RNF157: variants seen among roughly 807,000 people sequenced by gnomAD.
The protein encoded by RNF157 is ring finger protein 157.
RNF157 carries 55 observed loss-of-function variants against 88.3 expected under a neutral mutation model. The ratio of observed to expected loss-of-function variants is 0.62; its 90% CI spans 0.50 to 0.78. The LOEUF (loss-of-function observed/expected upper bound fraction) is 0.78, where lower values mean the gene tolerates loss of function less well. Among genes scored for constraint, RNF157 ranks in the 30% least tolerant of loss-of-function variants. RNF157 has a pLI of 0.00. For synonymous variants in RNF157, 334 were observed against 341.2 expected, an observed-to-expected ratio of 0.98 and a Z score of 0.23; for missense variants, 788 against 860.8, an observed-to-expected ratio of 0.92 and a Z score of 1.06.
At position 76,227,117 on chromosome 17, in the gene RNF157, GT is replaced by G. The variant is rs533845540; in HGVS notation, c.88+13035del. 4.4e-3 allele frequency among the ~76,000 whole-genome samples: 613 copies of G among 138,110 alleles called. 1 individual carries two copies. The highest frequency in any genetic ancestry group is 0.013 in the African/African-American group (495 of 37,542). The allele number at this position is 138,110 out of a possible 152,430, so 90.6% of individuals were successfully genotyped here. On this transcript the variant is annotated intron_variant, in intron 1 of 18. Coordinates refer to ENST00000269391, the MANE Select transcript of RNF157 (RefSeq NM_052916.3). ...AATAATATTAATAACCTCTTTTTTTGTTTTTTTTTTTTTTTGAGACGGGAGT... is the reference window on the plus strand; with the variant it reads ...AATAATATTAATAACCTCTTTTTTTGTTTTTTTTTTTTTTGAGACGGGAGT...
At chr17:76,162,664 AC>A in intron 8 of RNF157, 41 bp from the exon 9 acceptor site, 1 of 1,426,332 alleles carries the variant, frequency 7.0e-7, no homozygotes, top group Non-Finnish European at 9.7e-7. Flanking sequence ...GGCTGTCTCT[AC>A]TGAGAGACAA....
At chr17:76,175,268 T>C (rs1003943602) in intron 2 of RNF157, among the ~76,000 whole-genome samples, 1 of 152,228 alleles carries the variant, frequency 6.6e-6, no homozygotes, top group African/African-American at 2.4e-5. Context: ...TGGTTTTACT[T>C]TTTTTCGCAG....
At chr17:76,198,648 A>C (rs2069518050) in intron 2 of RNF157, among the ~76,000 whole-genome samples, 1 of 152,176 alleles carries the variant, frequency 6.6e-6, no homozygotes, top group South Asian at 2.1e-4. Flanking sequence ...TCTCAGTTGG[A>C]CAACTGGTTA....
rs754183930 is a variant in RNF157, at chr17:76,217,357, T to C, written c.89-4875A>G. On this transcript the variant is annotated intron_variant, in intron 1 of 18. Coordinates refer to ENST00000269391, the MANE Select transcript of RNF157 (RefSeq NM_052916.3). ...ATAAATTTACTTATTGGTATTTCAT[T>C]TTACAACCAAAAATTTGCTTTTTCC... is the stretch of plus-strand genomic sequence containing the variant. Among the ~76,000 whole-genome samples the C allele has an allele frequency of 1.6e-4, 25 of 152,264 alleles. 1 individual carries two copies. Among genetic ancestry groups the C allele is most frequent in the South Asian group, 1.0e-3 (5 of 4,818 alleles).
chr17:76,194,073 A>C (rs774195771), intron 2 of RNF157, among the ~76,000 whole-genome samples: 1 of 152,194 alleles, frequency 6.6e-6, no homozygotes. Flanking sequence ...TGGTTTGTTT[A>C]TCAAGGTATA....
rs566918470 is a variant in RNF157, at chr17:76,147,381, C to G, written c.1922-2028G>C. ...ACACACATGCATGCACAAATAAAAA[C>G]AGCAGCACCACCACCACCACCGCCG... On this transcript the variant is annotated intron_variant, in intron 18 of 18. Coordinates refer to ENST00000269391, the MANE Select transcript of RNF157 (RefSeq NM_052916.3). 2.5e-4 allele frequency: 243 copies of G among 983,548 alleles called. 3 individuals carry two copies. The South Asian group carries it at 8.0e-3, about 32-fold the overall frequency. 60.9% of individuals were successfully genotyped at this position (983,548 alleles called of 1,614,324 possible).
chr17:76,238,964 G>C (rs1044931606), intron 1 of RNF157, among the ~76,000 whole-genome samples: 1 of 152,204 alleles, frequency 6.6e-6, no homozygotes, highest in Non-Finnish European at 1.5e-5. Context: ...ACACTCTGCA[G>C]GGATGCGGGC....
rs958467198 is a variant in RNF157, at chr17:76,157,354, G to T, written c.1414-1033C>A. On this transcript the variant is annotated intron_variant, in intron 13 of 18. Transcript: ENST00000269391. This position sits in a 1 kb window ranked among gnomAD's most constrained non-coding sequence, Gnocchi z 5.6. ...TAGTCCAGGCTGCACACTGCGGTCG[G>T]GTGGGCCTTTGGGGTGTGAAGCACT... is the stretch of plus-strand genomic sequence containing the variant. Among the ~76,000 whole-genome samples the T allele has an allele frequency of 1.3e-5, 2 of 152,226 alleles. No homozygotes were observed. The highest frequency in any genetic ancestry group is 2.9e-5 in the Non-Finnish European group (2 of 68,048).
chr17:76,162,880 A>C lies in RNF157; in HGVS notation c.721-257T>G, dbSNP rs1598395368. 8.3e-6 allele frequency: 3 copies of C among 359,476 alleles called. No individual in the cohort carries two copies. The East Asian group carries it at 1.7e-4, about 20-fold the overall frequency. 22.3% of individuals were successfully genotyped at this position (359,476 alleles called of 1,614,324 possible). On this transcript the variant is annotated intron_variant, in intron 8 of 18. Coordinates refer to ENST00000269391, the MANE Select transcript of RNF157 (RefSeq NM_052916.3). The stretch of plus-strand genomic sequence containing the variant: ...ATAAAATTTCACAAATACAATAATA[A>C]TACTTGCACTGCAGCATACTATTAT...
At chr17:76,171,335 C>T (rs996022601) in intron 3 of RNF157, among the ~76,000 whole-genome samples, 7 of 152,034 alleles carry the variant, frequency 4.6e-5, no homozygotes, top group African/African-American at 1.5e-4. Context: ...ATTACAGATG[C>T]GTGCCACCAT....
intron 1 of RNF157, among the ~76,000 whole-genome samples, chr17:76,232,442 C>T (rs1349004488): frequency 6.6e-6 from 1 of 151,910 alleles, no homozygotes; most frequent in Admixed American, 6.6e-5. Context: ...AGCAGTGTTT[C>T]ATTATATGAC....
At chr17:76,189,790 G>C (rs2069352896) in intron 2 of RNF157, among the ~76,000 whole-genome samples, 1 of 151,920 alleles carries the variant, frequency 6.6e-6, no homozygotes. Context: ...CTGAGGTGAG[G>C]GTACTGCCCA....
At chr17:76,224,970 G>A (rs990081786) in intron 1 of RNF157, among the ~76,000 whole-genome samples, 8 of 151,004 alleles carry the variant, frequency 5.3e-5, no homozygotes, top group Middle Eastern at 3.3e-3. Flanking sequence ...TCAGGAGTTC[G>A]AGACCAACCT....
rs1246846729 is a variant in RNF157 at position 76,240,451 on chromosome 17, T to TGCGGGTCTGGGCCGGGGGCGCC, written c.-233_-212dup. 1.4e-5 allele frequency: 2 copies of TGCGGGTCTGGGCCGGGGGCGCC among 146,744 alleles called. No homozygotes were observed. Among genetic ancestry groups the TGCGGGTCTGGGCCGGGGGCGCC allele is most frequent in the African/African-American group, 2.5e-5 (1 of 40,682 alleles). The allele number at this position is 146,744 out of a possible 1,614,324, so 9.1% of individuals were successfully genotyped here. On this transcript the variant is annotated 5_prime_UTR_variant, in exon 1 of 19. Transcript: ENST00000269391. The surrounding 1 kb of genome is among the most constrained non-coding windows in gnomAD (Gnocchi z 4.4). ...GCGGCGGCGCCTCTGCCAAGGGGGC[T>TGCGGGTCTGGGCCGGGGGCGCC]GCGGGTCTGGGCCGGGGGCGCCGCC...
intron 1 of RNF157, among the ~76,000 whole-genome samples, chr17:76,230,683 C>A (rs2070170871): frequency 6.6e-6 from 1 of 151,610 alleles, no homozygotes; most frequent in Non-Finnish European, 1.5e-5. Flanking sequence ...ACTAAAAATA[C>A]AAAAATTAGC....
intron 2 of RNF157, 127 bp downstream of exon 2, chr17:76,212,237 T>C: frequency 1.5e-6 from 1 of 681,904 alleles, no homozygotes; most frequent in South Asian, 1.7e-5. Flanking sequence ...GTTTGTCTTC[T>C]AGTGCATCTC....
At chr17:76,156,803 C>A (rs957171548) in intron 13 of RNF157, among the ~76,000 whole-genome samples, 3 of 152,190 alleles carry the variant, frequency 2.0e-5, no homozygotes, top group African/African-American at 4.8e-5. Flanking sequence ...TCCTCCCACA[C>A]CCCCACCTCC....
intron 1 of RNF157, among the ~76,000 whole-genome samples, chr17:76,224,997 C>T (rs372149797): frequency 2.4e-4 from 36 of 151,346 alleles, no homozygotes; most frequent in Middle Eastern, 3.4e-3. Flanking sequence ...CATGGTGAAA[C>T]CCTGTCTCTA....
chr17:76,178,084 T>G (rs897300831), intron 2 of RNF157, among the ~76,000 whole-genome samples: 1 of 152,222 alleles, frequency 6.6e-6, no homozygotes, highest in African/African-American at 2.4e-5. Flanking sequence ...GGACAAGAAT[T>G]TTGGACCCAT....
Sources: gnomAD v4.1 joint callset for allele counts (sites outside exome capture counted in the v4.1 genomes callset) on GRCh38, gnomAD v4.1.1 for gene constraint, Gnocchi (gnomAD v3.1) non-coding constraint, MANE v1.5 for transcripts, NCBI Gene and HGNC (gene_info 2026-07-23, HGNC 2026-07-21) for gene names.